The following PRELID3A variants were observed in gnomAD, a reference collection of about 807,000 sequenced individuals.
The protein encoded by PRELID3A is PRELI domain containing 3A.
A neutral mutation model predicts 23.0 loss-of-function variants in PRELID3A; 27 were observed. The observed-to-expected ratio is 1.17, with a 90% CI of 0.87 to 1.62. The LOEUF is 1.62. Among genes scored for constraint, PRELID3A ranks in the 40% most tolerant of loss-of-function variants. The pLI, the probability that PRELID3A is intolerant of heterozygous loss-of-function variation, is 0.00. For synonymous variants in PRELID3A, 87 were observed against 86.4 expected (o/e 1.01, Z -0.04); for missense variants, 231 against 231.4 (o/e 1.00, Z 0.01).
At chr18:12,423,699 T>A (rs1218630799) in intron 3 of PRELID3A, among the ~76,000 whole-genome samples, 3 of 151,996 alleles carry the variant, frequency 2.0e-5, no homozygotes, top group African/African-American at 7.2e-5. Flanking sequence ...GCAGGGCTGG[T>A]GGGTGCAGTG....
intron 1 of PRELID3A, among the ~76,000 whole-genome samples, chr18:12,416,299 T>TTTG (rs34515430): frequency 0.038 from 5,833 of 152,128 alleles, 345 homozygotes; most frequent in African/African-American, 0.13. Flanking sequence ...TTTCTGGGTT[T>TTTG]TTGTTGTTGT....
chr18:12,422,197 CTT>C (rs562964007), intron 3 of PRELID3A: 16,155 of 131,070 alleles, frequency 0.12, 1,147 homozygotes, highest in East Asian at 0.38. Flanking sequence ...TTTCAACGTG[CTT>C]TTTTTTTTTT....
rs146204848 is a variant in PRELID3A at position 12,430,056 on chromosome 18, C to T, written c.*33+620C>T. ...GCGCCTCCCACCAGAGGCTGTGCTG[C>T]GCTGCTCTGGGCTGCTCGTCCCCAT... On this transcript the variant is annotated intron_variant, in intron 6 of 6. Transcript: ENST00000440960. 1.7e-3 allele frequency among the ~76,000 whole-genome samples: 254 copies of T among 152,364 alleles called. 3 individuals carry two copies. Among genetic ancestry groups the T allele is most frequent in the East Asian group, 3.9e-4 (2 of 5,184 alleles).
chr18:12,421,419 G>C (rs890738002), intron 2 of PRELID3A, 121 bp from the exon 3 acceptor site: 1 of 699,924 alleles, frequency 1.4e-6, no homozygotes, highest in Non-Finnish European at 2.6e-6. Context: ...TCTGTCCCTT[G>C]CTGCATCCCA....
At chr18:12,425,168 T>G (rs1328878905) in intron 3 of PRELID3A, among the ~76,000 whole-genome samples, 1 of 151,974 alleles carries the variant, frequency 6.6e-6, no homozygotes, top group East Asian at 1.9e-4. Context: ...AAAATAAAAT[T>G]AAAAATTCCA....
chr18:12,429,796 G>A (rs999188420), intron 6 of PRELID3A, among the ~76,000 whole-genome samples: 2 of 152,238 alleles, frequency 1.3e-5, no homozygotes, highest in African/African-American at 2.4e-5. Flanking sequence ...TGTCCTTTGG[G>A]TGCATCTGCA....
intron 1 of PRELID3A, among the ~76,000 whole-genome samples, chr18:12,408,789 T>G (rs1299602158): frequency 1.3e-5 from 2 of 152,246 alleles, no homozygotes; most frequent in African/African-American, 4.8e-5. Flanking sequence ...TAATGAGAAT[T>G]GCTTAATGGG....
At chr18:12,412,429 C>A (rs781358824) in intron 1 of PRELID3A, among the ~76,000 whole-genome samples, 10 of 152,194 alleles carry the variant, frequency 6.6e-5, no homozygotes, top group Non-Finnish European at 1.2e-4. Context: ...CTCAAGTTAT[C>A]AGCCCACCTG....
At position 12,416,643 on chromosome 18, in the gene PRELID3A, CTTTCT is replaced by C. The variant is rs1332759279; in HGVS notation, c.33-3678_33-3674del. 2.8e-4 allele frequency among the ~76,000 whole-genome samples: 40 copies of C among 140,912 alleles called. No individual in the cohort carries two copies. The East Asian group carries it at 4.9e-3, about 17-fold the overall frequency. 92.4% of individuals were successfully genotyped at this position (140,912 alleles called of 152,430 possible). A position where few individuals can be genotyped will look rare whatever the true frequency, so the allele number is the denominator to read the frequency against. On this transcript the variant is annotated intron_variant, in intron 1 of 6. Transcript: ENST00000440960. ...AAGGCTATTTTCTTTTCTTTTCTTT[CTTTCT>C]TTTTTTTTTTTTTTTTAGACAGAGT...
chr18:12,413,817 C>G (rs1052996947), intron 1 of PRELID3A, among the ~76,000 whole-genome samples: 1 of 152,198 alleles, frequency 6.6e-6, no homozygotes, highest in African/African-American at 2.4e-5. Context: ...CTCCTAACCT[C>G]AGGTGATCCG....
chr18:12,412,748 C>T (rs1251060370), intron 1 of PRELID3A, among the ~76,000 whole-genome samples: 1 of 152,150 alleles, frequency 6.6e-6, no homozygotes, highest in Non-Finnish European at 1.5e-5. Flanking sequence ...TAGCAAAACC[C>T]TAAACAGTTT....
chr18:12,418,756 G>A (rs2030042075), intron 1 of PRELID3A, among the ~76,000 whole-genome samples: 1 of 152,228 alleles, frequency 6.6e-6, no homozygotes, highest in Admixed American at 6.5e-5. Flanking sequence ...TCCGGGGGAA[G>A]GTCCATGCTG....
At position 12,429,521 on chromosome 18, in the gene PRELID3A, G is replaced by C. The variant is rs866121073; in HGVS notation, c.*33+85G>C. On this transcript the variant is annotated intron_variant, in intron 6 of 6. Coordinates refer to ENST00000440960, the MANE Select transcript of PRELID3A (RefSeq NM_001142405.2). ...TGGTGCACATGGTGAGGGGACGCCA[G>C]AAGTACGCAGCTGCTGGTGGCTCTC... 34 of 820,808 alleles carry C rather than the reference G, an allele frequency of 4.1e-5. 1 individual carries two copies. The African/African-American group carries it at 4.6e-4, about 11-fold the overall frequency. 50.8% of individuals were successfully genotyped at this position (820,808 alleles called of 1,614,324 possible). A position where few individuals can be genotyped will look rare whatever the true frequency, so the allele number is the denominator to read the frequency against.
chr18:12,423,772 C>G (rs2030270597), intron 3 of PRELID3A, among the ~76,000 whole-genome samples: 1 of 152,196 alleles, frequency 6.6e-6, no homozygotes, highest in Admixed American at 6.5e-5. Context: ...CGAACCGGTA[C>G]CTGGGCAGCT....
chr18:12,415,258 T>C (rs1221500383), intron 1 of PRELID3A, among the ~76,000 whole-genome samples: 1 of 151,252 alleles, frequency 6.6e-6, no homozygotes. Flanking sequence ...TTTTTAATTT[T>C]TATTTTTTTG....
chr18:12,409,159 G>GTTTTTTTTTTTT (rs71371255), intron 1 of PRELID3A, among the ~76,000 whole-genome samples: 2 of 66,484 alleles, frequency 3.0e-5, no homozygotes, highest in Non-Finnish European at 5.2e-5. Context: ...CCCAGGCTGG[G>GTTTTTTTTTTTT]TTTTTTTTTT....
At chr18:12,422,710 CA>C (rs1265860073) in intron 3 of PRELID3A, among the ~76,000 whole-genome samples, 1 of 152,110 alleles carries the variant, frequency 6.6e-6, no homozygotes, top group Non-Finnish European at 1.5e-5. Flanking sequence ...TCACTTCTCT[CA>C]ATTAAAAAAT....
At chr18:12,409,121 T>G (rs941013283) in intron 1 of PRELID3A, among the ~76,000 whole-genome samples, 2 of 151,910 alleles carry the variant, frequency 1.3e-5, no homozygotes, top group African/African-American at 4.8e-5. Context: ...TTTATTTATT[T>G]TTTTCGAGAC....
chr18:12,424,535 T>G (rs1024162832), intron 3 of PRELID3A, among the ~76,000 whole-genome samples: 2 of 152,216 alleles, frequency 1.3e-5, no homozygotes, highest in African/African-American at 2.4e-5. Context: ...TTCTGTTGAA[T>G]GTAACGCCCA....
Sources: gnomAD v4.1 joint callset for allele counts (sites outside exome capture counted in the v4.1 genomes callset) on GRCh38, gnomAD v4.1.1 for gene constraint, MANE v1.5 for transcripts, NCBI Gene and HGNC (gene_info 2026-07-23, HGNC 2026-07-21) for gene names.